Variants in DPCD observed in about 807,000 individuals in gnomAD.
The protein encoded by DPCD is protein DPCD.
Under a neutral mutation model 26.4 loss-of-function variants are expected in DPCD, and 20 were observed. The observed-to-expected ratio is 0.76, with a 90% confidence interval of 0.53 to 1.10. The LOEUF (loss-of-function observed/expected upper bound fraction) is 1.10, where lower values mean the gene tolerates loss of function less well. Ranked by LOEUF, DPCD falls within the 50% of genes least tolerant of loss-of-function variation. The pLI is 0.00. For synonymous variants in DPCD, 97 were observed against 94.2 expected, an observed-to-expected ratio of 1.03 and a Z score of -0.17; for missense variants, 202 against 253.9, an observed-to-expected ratio of 0.80 and a Z score of 1.39.
Position 101,601,303 on chromosome 10 carries a change from A to G in DPCD, c.371A>G (p.Glu124Gly). The G allele has an allele frequency of 6.2e-7, 1 of 1,613,804 alleles. No individual in the cohort carries two copies. The highest frequency in any genetic ancestry group is 8.5e-7 in the Non-Finnish European group (1 of 1,179,888). The change falls in exon 4 of 6, where the codon GAG becomes GGG. Residue 124 changes from glutamate to glycine, a missense_variant. Glu to Gly is a moderately conservative substitution (Grantham distance 98). This residue lies in a region of DPCD where 118 missense variants were observed against 145.1 expected (regional missense o/e 0.81). Coordinates refer to ENST00000370151, the MANE Select transcript of DPCD (RefSeq NM_015448.3). ...DVYSVSVDQK[E>G]RCIIVRTTNK... ...TATAGTGTCTCTGTGGACCAGAAGG[A>G]GCGCTGCATCATTGTCAGAACAACC...
intron 2 of DPCD, among the ~76,000 whole-genome samples, chr10:101,597,092 G>A (rs559955465): frequency 4.6e-5 from 7 of 152,248 alleles, no homozygotes; most frequent in African/African-American, 1.2e-4. Flanking sequence ...AACAATGATC[G>A]GAACATCAAA....
chr10:101,609,552 C>CCTGT lies in DPCD; in HGVS notation c.*84_*87dup. ...TGGCCCTTCTTGACCACGGCAGCCT[C>CCTGT]CTGTCTTCTAGGAGCTATCAAGGGT... On this transcript the variant is annotated 3_prime_UTR_variant, in exon 6 of 6. Transcript: ENST00000370151. 7.8e-7 allele frequency: 1 copy of CCTGT among 1,279,476 alleles called. No homozygotes were observed. The highest frequency in any genetic ancestry group is 1.5e-5 in the African/African-American group (1 of 68,256). 79.3% of individuals were successfully genotyped at this position (1,279,476 alleles called of 1,614,324 possible).
chr10:101,605,243 A>G (rs967670321), intron 4 of DPCD: 1 of 1,548,714 alleles, frequency 6.5e-7, no homozygotes, highest in African/African-American at 1.4e-5. Context: ...GTGATTGTCC[A>G]CAGCAGCCCT....
intron 2 of DPCD, among the ~76,000 whole-genome samples, chr10:101,598,088 G>T (rs1020350182): frequency 6.6e-6 from 1 of 152,172 alleles, no homozygotes; most frequent in Admixed American, 6.5e-5. Context: ...CCTTCTTTGA[G>T]TACTTCTTGG....
At position 101,588,355 on chromosome 10, in the gene DPCD, T is replaced by A; in HGVS notation, c.19T>A (p.Leu7Met). The A allele has an allele frequency of 6.3e-7, 1 of 1,599,802 alleles. No individual in the cohort carries two copies. Among genetic ancestry groups the A allele is most frequent in the East Asian group, 2.2e-5 (1 of 44,452 alleles). ...GGGAAAGATGGCGGTGACGGGCTGG[T>A]TGGAGAGTCTGCGGACAGCCCAGAA... MAVTGWLESLRTAQKTA... is the reference protein window; with the variant it reads MAVTGWMESLRTAQKTA... Residue 7 changes from leucine (L) to methionine (M), a missense_variant, in exon 1 of 6, where the codon TTG becomes ATG. Transcript: ENST00000370151.
intron 3 of DPCD, 151 bp downstream of exon 3, chr10:101,601,013 AATACAGAC>A: frequency 6.8e-7 from 1 of 1,478,456 alleles, no homozygotes; most frequent in Non-Finnish European, 9.1e-7. Context: ...TGTTTGAATG[AATACAGAC>A]ATTTTGGCTT....
chr10:101,608,828 C>G lies in DPCD; in HGVS notation c.405-7C>G, dbSNP rs957477615. The G allele has an allele frequency of 9.9e-6, 16 of 1,608,526 alleles. No individual in the cohort carries two copies. The highest frequency in any genetic ancestry group is 1.4e-5 in the Non-Finnish European group (16 of 1,175,512). ...AGTGCCCCAATGGCCTCTCGGTGTC[C>G]CCACAGGTACTACAAGAAGTTCTCC... On this transcript the variant is annotated splice_region_variant and splice_polypyrimidine_tract_variant and intron_variant, in intron 4 of 5. Transcript: ENST00000370151.
In DPCD at chr10:101,588,358, GA is replaced by G; in HGVS notation, c.23del (p.Glu8GlyfsTer42). MAVTGWL[E>X]SLRTAQKTAL... ...AAAGATGGCGGTGACGGGCTGGTTG[GA>G]GAGTCTGCGGACAGCCCAGAAGACT... is the stretch of plus-strand genomic sequence containing the variant. On this transcript the variant is annotated frameshift_variant, in exon 1 of 6. Coordinates refer to ENST00000370151, the MANE Select transcript of DPCD (RefSeq NM_015448.3). LOFTEE classifies it high-confidence loss of function. The G allele has an allele frequency of 6.3e-7, 1 of 1,599,860 alleles. No individual in the cohort carries two copies. Among genetic ancestry groups the G allele is most frequent in the Non-Finnish European group, 8.5e-7 (1 of 1,171,302 alleles).
chr10:101,609,258 A>T, intron 5 of DPCD, 109 bp from the exon 6 acceptor site: 1 of 1,033,702 alleles, frequency 9.7e-7, no homozygotes, highest in Non-Finnish European at 1.4e-6. Flanking sequence ...TACAGGCCTC[A>T]ATTTTCTCGT....
intron 4 of DPCD, among the ~76,000 whole-genome samples, chr10:101,607,331 G>A (rs1425193526): frequency 6.6e-6 from 1 of 152,228 alleles, no homozygotes; most frequent in South Asian, 2.1e-4. Flanking sequence ...CTAGGAAGAG[G>A]ATGAGGCAGG....
chr10:101,601,461 AT>A, intron 4 of DPCD, 125 bp downstream of exon 4: 1 of 342,640 alleles, frequency 2.9e-6, no homozygotes, highest in Non-Finnish European at 4.7e-6. Context: ...GCTTACAGGT[AT>A]TGGAAGGGCT....
At chr10:101,591,794 A>G (rs2063610800) in intron 1 of DPCD, among the ~76,000 whole-genome samples, 1 of 151,866 alleles carries the variant, frequency 6.6e-6, no homozygotes, top group Non-Finnish European at 1.5e-5. Context: ...CGATTCTCCT[A>G]TCTCAGTCTC....
chr10:101,588,763 G>A (rs1417521294), intron 1 of DPCD: 9 of 824,188 alleles, frequency 1.1e-5, no homozygotes, highest in Non-Finnish European at 1.0e-5. Flanking sequence ...ACTTTAGAGA[G>A]GAGAGAGGCC....
chr10:101,593,997 G>A (rs1250080950), intron 1 of DPCD, among the ~76,000 whole-genome samples: 1 of 152,092 alleles, frequency 6.6e-6, no homozygotes, highest in African/African-American at 2.4e-5. Context: ...AGTAATCAAA[G>A]AGTCACATAA....
chr10:101,605,054 T>C (rs2063723990), intron 4 of DPCD: 14 of 1,542,896 alleles, frequency 9.1e-6, no homozygotes, highest in Non-Finnish European at 1.2e-5. Flanking sequence ...ATTGTGACTG[T>C]CTAGCAGGGG....
At chr10:101,604,711 C>G (rs965343014) in intron 4 of DPCD, among the ~76,000 whole-genome samples, 117 of 152,366 alleles carry the variant, frequency 7.7e-4, no homozygotes, top group African/African-American at 2.8e-3. Context: ...TGGGTTAAAT[C>G]TGGCCTCTGC....
intron 4 of DPCD, among the ~76,000 whole-genome samples, chr10:101,608,017 C>T (rs1010934643): frequency 6.6e-6 from 1 of 152,144 alleles, no homozygotes; most frequent in African/African-American, 2.4e-5. Context: ...TCTCTGAGCC[C>T]GAGTTCCCTT....
chr10:101,608,199 T>C (rs1191140654), intron 4 of DPCD, among the ~76,000 whole-genome samples: 1 of 152,164 alleles, frequency 6.6e-6, no homozygotes, highest in African/African-American at 2.4e-5. Flanking sequence ...AGTAGGGACT[T>C]GGGGCCAGCC....
intron 2 of DPCD, among the ~76,000 whole-genome samples, chr10:101,595,950 C>T (rs2063648516): frequency 6.6e-6 from 1 of 152,166 alleles, no homozygotes; most frequent in African/African-American, 2.4e-5. Context: ...CATAACCAGG[C>T]CAGAGAATAG....
Sources: gnomAD v4.1 joint callset for allele counts (sites outside exome capture counted in the v4.1 genomes callset) on GRCh38, gnomAD v4.1.1 for gene constraint, gnomAD v4.1.1 regional missense constraint, MANE v1.5 for transcripts, NCBI Gene and HGNC (gene_info 2026-07-23, HGNC 2026-07-21) for gene names.